The following BRD4 variants were observed in gnomAD, a reference collection of about 807,000 sequenced individuals.
BRD4 encodes bromodomain-containing protein 4.
In BRD4, 16 loss-of-function variants were observed where a neutral mutation model predicts 142.1. That is an observed-to-expected ratio of 0.11 (90% CI 0.08 to 0.17). The LOEUF is 0.17. Ranked by LOEUF, BRD4 falls within the 10% of genes least tolerant of loss-of-function variation. The pLI, the probability that BRD4 is intolerant of heterozygous loss-of-function variation, is 1.00. For missense variants in BRD4, 1,424 were observed against 1,810.9 expected, an observed-to-expected ratio of 0.79 and a Z score of 3.88; for synonymous variants, 833 against 707.5, an observed-to-expected ratio of 1.18 and a Z score of -2.82.
intron 1 of BRD4, among the ~76,000 whole-genome samples, chr19:15,284,433 C>G (rs1311513730): frequency 2.0e-5 from 3 of 152,140 alleles, no homozygotes; most frequent in East Asian, 3.8e-4. Flanking sequence ...TGAGAGCTGA[C>G]AGTGTCTCAA....
At chr19:15,303,588 C>T (rs2047889721) in intron 1 of BRD4, among the ~76,000 whole-genome samples, 1 of 152,130 alleles carries the variant, frequency 6.6e-6, no homozygotes, top group African/African-American at 2.4e-5. Context: ...TGCAATACAA[C>T]AATACAATAA....
chr19:15,255,232 G>C, intron 10 of BRD4, 65 bp downstream of exon 10: 1 of 1,482,962 alleles, frequency 6.7e-7, no homozygotes. Flanking sequence ...GACTGAGCAA[G>C]GAGGGAAAAG....
chr19:15,248,004 C>G (rs2047306389), intron 11 of BRD4: 1 of 221,578 alleles, frequency 4.5e-6, no homozygotes. Context: ...GAGCCTGCAC[C>G]CAAGGGCTTG....
At chr19:15,252,325 G>T (rs1246374900) in intron 11 of BRD4, among the ~76,000 whole-genome samples, 1 of 152,202 alleles carries the variant, frequency 6.6e-6, no homozygotes, top group African/African-American at 2.4e-5. Flanking sequence ...AGTTAATCAG[G>T]TCCCCTGACA....
chr19:15,238,664 C>A lies in BRD4; in HGVS notation c.4020+79G>T. 1.4e-6 allele frequency: 2 copies of A among 1,458,116 alleles called. No homozygotes were observed. Among genetic ancestry groups the A allele is most frequent in the Non-Finnish European group, 1.8e-6 (2 of 1,104,368 alleles). The allele number at this position is 1,458,116 out of a possible 1,614,324, so 90.3% of individuals were successfully genotyped here. On this transcript the variant is annotated intron_variant, in intron 19 of 19. Transcript: ENST00000679869. The surrounding 1 kb of genome is among the most constrained non-coding windows in gnomAD (Gnocchi z 7.2). The stretch of plus-strand genomic sequence containing the variant: ...GGGCTCCCCCGCTGCCCCTCCCTGT[C>A]CAGGCTCCAGTCCCCCTTTCCCAGC...
intron 11 of BRD4, chr19:15,248,137 G>C (rs972780909): frequency 4.6e-6 from 1 of 218,654 alleles, no homozygotes; most frequent in Non-Finnish European, 9.2e-6. Context: ...AGTTCCTCAG[G>C]GGACTTTTCA....
At chr19:15,299,389 A>G (rs1457221597) in intron 1 of BRD4, among the ~76,000 whole-genome samples, 2 of 152,270 alleles carry the variant, frequency 1.3e-5, no homozygotes, top group Non-Finnish European at 1.5e-5. Context: ...TACCCATCAA[A>G]GCCTGACACA....
At chr19:15,321,709 C>T (rs949793761) in intron 1 of BRD4, among the ~76,000 whole-genome samples, 1 of 152,134 alleles carries the variant, frequency 6.6e-6, no homozygotes, top group South Asian at 2.1e-4. Flanking sequence ...AGTAATACAA[C>T]CATTTCCTCA....
chr19:15,263,987 T>C (rs1017891883), intron 6 of BRD4: 13 of 228,296 alleles, frequency 5.7e-5, no homozygotes, highest in African/African-American at 2.7e-4. Flanking sequence ...CAAAACACTA[T>C]GGTGAAAATG....
chr19:15,253,201 G>A (rs1309616590), intron 11 of BRD4: 2 of 343,732 alleles, frequency 5.8e-6, no homozygotes, highest in East Asian at 4.9e-5. Context: ...CGGCAACCCC[G>A]TTGGCCGTAA....
intron 1 of BRD4, chr19:15,275,832 C>T (rs1216770703): frequency 2.0e-5 from 3 of 152,070 alleles, no homozygotes; most frequent in African/African-American, 7.2e-5. Context: ...CATGATGGAA[C>T]CCCATCTCTA....
rs2047524238 is a variant in BRD4, at chr19:15,265,531, G to A, written c.672C>T (p.Pro224=). The A allele has an allele frequency of 1.9e-6, 3 of 1,614,076 alleles. No individual in the cohort carries two copies. The highest frequency in any genetic ancestry group is 2.5e-6 in the Non-Finnish European group (3 of 1,180,002). The change falls in exon 5 of 20, where the codon CCC becomes CCT. Residue 224 remains proline (P), a synonymous_variant. Transcript: ENST00000679869. ...NPPPVQATPH[P]FPAVTPDLIV... ...TGAGGTCCGGGGTGACGGCAGGGAA[G>A]GGGTGAGGCGTGGCCTGCACAGGAG...
intron 1 of BRD4, among the ~76,000 whole-genome samples, chr19:15,284,661 C>G (rs1403892692): frequency 6.6e-6 from 1 of 152,200 alleles, no homozygotes; most frequent in Non-Finnish European, 1.5e-5. Flanking sequence ...AGGCCCTCCA[C>G]ACACATTCAG....
chr19:15,244,249 C>T lies in BRD4; in HGVS notation c.2563G>A (p.Ala855Thr), dbSNP rs199540579. Residue 855 changes from alanine to threonine, a missense_variant, in exon 13 of 20, where the codon GCA becomes ACA. Physicochemically the swap from Ala to Thr is moderately conservative, Grantham distance 58. This residue lies in a region of BRD4 where 598 missense variants were observed against 647.8 expected (regional missense o/e 0.92). Coordinates refer to ENST00000679869, the MANE Select transcript of BRD4 (RefSeq NM_001379291.1). ...GGCTCACCTGGAGGAGAGACCACTG[C>T]GTGCTGGTTGAGATGGGGTGGAGTG... ...HSTPPHLNQH[A>T]VVSPPALHNA... 157 of 1,573,260 alleles carry T rather than the reference C, an allele frequency of 1.0e-4. No homozygotes were observed. The highest frequency in any genetic ancestry group is 1.3e-4 in the Non-Finnish European group (150 of 1,162,146).
chr19:15,303,693 C>T (rs1245490681), intron 1 of BRD4, among the ~76,000 whole-genome samples: 1 of 152,184 alleles, frequency 6.6e-6, no homozygotes, highest in Non-Finnish European at 1.5e-5. Context: ...AACAATATTC[C>T]CCTTATATAG....
At chr19:15,247,862 C>CATCA (rs1420484872) in intron 11 of BRD4, 4 of 230,474 alleles carry the variant, frequency 1.7e-5, no homozygotes, top group African/African-American at 8.9e-5. Context: ...AACTCCTGAG[C>CATCA]ATCAATGCAG....
chr19:15,296,097 T>C (rs999918604), intron 1 of BRD4, among the ~76,000 whole-genome samples: 5 of 151,774 alleles, frequency 3.3e-5, no homozygotes, highest in Non-Finnish European at 7.4e-5. Flanking sequence ...CTACTAAAAA[T>C]ACAAAAATTA....
Position 15,292,014 on chromosome 19 carries a change from A to C in BRD4, c.-34-18881T>G, listed in dbSNP as rs574383661. On this transcript the variant is annotated intron_variant, in intron 1 of 19. Transcript: ENST00000679869. ...GGATGGTAATTCCTTCCACTATACCAGTTATTTTGCTACGTAGTGACAAAA... is the reference window on the plus strand; with the variant it reads ...GGATGGTAATTCCTTCCACTATACCCGTTATTTTGCTACGTAGTGACAAAA... Among the ~76,000 whole-genome samples the C allele has an allele frequency of 2.0e-5, 3 of 152,352 alleles. No homozygotes were observed. The South Asian group carries it at 6.2e-4, about 32-fold the overall frequency.
At chr19:15,310,835 C>T (rs905032018) in intron 1 of BRD4, among the ~76,000 whole-genome samples, 1 of 152,010 alleles carries the variant, frequency 6.6e-6, no homozygotes, top group Non-Finnish European at 1.5e-5. Context: ...CACCTGGCTG[C>T]ACCACTGTTT....
Sources: gnomAD v4.1 joint callset for allele counts (sites outside exome capture counted in the v4.1 genomes callset) on GRCh38, gnomAD v4.1.1 for gene constraint, gnomAD v4.1.1 regional missense constraint, Gnocchi (gnomAD v3.1) non-coding constraint, MANE v1.5 for transcripts, NCBI Gene and HGNC (gene_info 2026-07-23, HGNC 2026-07-21) for gene names.